DDR2: variants seen among roughly 807,000 people sequenced by gnomAD.
The protein encoded by DDR2 is discoidin domain receptor tyrosine kinase 2.
A neutral mutation model predicts 94.9 loss-of-function variants in DDR2; 27 were observed. The observed-to-expected ratio is 0.28, with a 90% confidence interval of 0.21 to 0.39. The LOEUF (loss-of-function observed/expected upper bound fraction) is 0.39. Ranked by LOEUF, DDR2 falls within the 10% of genes least tolerant of loss-of-function variation. DDR2 has a pLI of 1.00. For missense variants in DDR2, 783 were observed against 1,076.0 expected (o/e 0.73, Z 3.81); for synonymous variants, 382 against 377.2 (o/e 1.01, Z -0.15).
At chr1:162,653,866 T>C (rs1657829474) in intron 1 of DDR2, among the ~76,000 whole-genome samples, 1 of 152,178 alleles carries the variant, frequency 6.6e-6, no homozygotes, top group Admixed American at 6.5e-5. Context: ...AGGAAAGTTG[T>C]GCTGAGATGT....
chr1:162,754,962 C>A, intron 5 of DDR2, 107 bp downstream of exon 5: 1 of 1,454,444 alleles, frequency 6.9e-7, no homozygotes, highest in African/African-American at 1.4e-5. Flanking sequence ...GTCCACAGAC[C>A]AGGCATGCCC....
At chr1:162,687,018 G>C (rs1659719646) in intron 2 of DDR2, among the ~76,000 whole-genome samples, 1 of 152,196 alleles carries the variant, frequency 6.6e-6, no homozygotes, top group African/African-American at 2.4e-5. Context: ...TGAAGGTTTT[G>C]GTTGGGGCTC....
chr1:162,646,678 T>C (rs180925149), intron 1 of DDR2, among the ~76,000 whole-genome samples: 67 of 152,352 alleles, frequency 4.4e-4, no homozygotes, highest in Admixed American at 3.3e-3. Context: ...TCTACAATTA[T>C]CCTCTTACAT....
intron 2 of DDR2, among the ~76,000 whole-genome samples, chr1:162,710,960 C>G (rs1485879471): frequency 6.6e-6 from 1 of 152,172 alleles, no homozygotes; most frequent in East Asian, 1.9e-4. Flanking sequence ...AGGGCCAGCA[C>G]TTCCTCTCCA....
Position 162,759,818 on chromosome 1 carries a change from T to C in DDR2, c.694T>C (p.Leu232=), listed in dbSNP as rs1462350042. The change falls in exon 8 of 18, where the codon TTG becomes CTG. Residue 232 remains leucine (L), a synonymous_variant. Coordinates refer to ENST00000367921, the MANE Select transcript of DDR2 (RefSeq NM_006182.4). ...GYSMTEGLGQ[L]TDGVSGLDDF... is the part of the protein sequence containing the mutation. The stretch of plus-strand genomic sequence containing the variant: ...CAGCATGACAGAAGGGCTAGGCCAA[T>C]TGACCGATGGTGTGTCTGGCCTGGA... 4.3e-6 allele frequency: 7 copies of C among 1,614,116 alleles called. No homozygotes were observed. Among genetic ancestry groups the C allele is most frequent in the East Asian group, 2.2e-5 (1 of 44,878 alleles).
chr1:162,652,759 G>C (rs1161518470), intron 1 of DDR2, among the ~76,000 whole-genome samples: 1 of 152,168 alleles, frequency 6.6e-6, no homozygotes, highest in Admixed American at 6.5e-5. Context: ...TCCCAAGATT[G>C]TACAGCTAGT....
At chr1:162,777,685 G>A (rs549271261) in intron 16 of DDR2, 1 of 152,230 alleles carries the variant, frequency 6.6e-6, no homozygotes, top group South Asian at 2.1e-4. Context: ...GAAGAATTTG[G>A]GAAACCTCTC....
intron 2 of DDR2, among the ~76,000 whole-genome samples, chr1:162,684,467 C>T (rs1433270119): frequency 1.3e-5 from 2 of 151,980 alleles, no homozygotes; most frequent in Non-Finnish European, 2.9e-5. Flanking sequence ...TTTTTCTTCC[C>T]AACTAACACC....
At chr1:162,651,650 A>G (rs1238650047) in intron 1 of DDR2, among the ~76,000 whole-genome samples, 1 of 152,212 alleles carries the variant, frequency 6.6e-6, no homozygotes, top group South Asian at 2.1e-4. Flanking sequence ...ATTACATACT[A>G]GGAACTCAGA....
intron 2 of DDR2, among the ~76,000 whole-genome samples, chr1:162,685,933 A>ACCAGGC (rs1659664632): frequency 6.6e-6 from 1 of 152,218 alleles, no homozygotes; most frequent in African/African-American, 2.4e-5. Context: ...AGGTACGCAC[A>ACCAGGC]CCAGGCATTC....
intron 3 of DDR2, among the ~76,000 whole-genome samples, chr1:162,747,875 C>T (rs1373476595): frequency 6.6e-6 from 1 of 152,110 alleles, no homozygotes; most frequent in African/African-American, 2.4e-5. Context: ...AATTTTTAAC[C>T]CAGAATTTCA....
chr1:162,639,122 T>C (rs1007542632), intron 1 of DDR2, among the ~76,000 whole-genome samples: 1 of 152,118 alleles, frequency 6.6e-6, no homozygotes, highest in Non-Finnish European at 1.5e-5. Context: ...TGCACCACCA[T>C]GACTGGCCTC....
intron 1 of DDR2, among the ~76,000 whole-genome samples, chr1:162,632,924 T>C (rs1656630961): frequency 1.3e-5 from 2 of 152,174 alleles, no homozygotes; most frequent in African/African-American, 4.8e-5. Flanking sequence ...TAAACAGTGT[T>C]AGCAGAGTTG....
chr1:162,663,126 C>G lies in DDR2; in HGVS notation c.-28+7752C>G, dbSNP rs904926825. Among the ~76,000 whole-genome samples, 5 of 152,150 alleles carry G rather than the reference C, an allele frequency of 3.3e-5. 1 individual carries two copies. The highest frequency in any genetic ancestry group is 2.1e-4 in the South Asian group (1 of 4,830). On this transcript the variant is annotated intron_variant, in intron 2 of 17. Transcript: ENST00000367921. ...TTGCAAGGCCAAAGTCTCCTGCCCC[C>G]CAAATCTCCCAGTATCCCTGGCCTG...
intron 7 of DDR2, among the ~76,000 whole-genome samples, chr1:162,756,472 T>C (rs2665493): frequency 0.97 from 148,117 of 152,322 alleles, 72,153 homozygotes; most frequent in East Asian, 1. Context: ...CCACCTATAC[T>C]GTTTCACTTC....
At chr1:162,642,004 G>A (rs1187853683) in intron 1 of DDR2, among the ~76,000 whole-genome samples, 1 of 152,136 alleles carries the variant, frequency 6.6e-6, no homozygotes, top group Non-Finnish European at 1.5e-5. Flanking sequence ...AGGCTAGAGT[G>A]CAGTGGCGGG....
intron 2 of DDR2, among the ~76,000 whole-genome samples, chr1:162,698,368 T>C (rs889622390): frequency 7.9e-5 from 12 of 152,160 alleles, no homozygotes; most frequent in African/African-American, 2.9e-4. Context: ...GGAGGCATGG[T>C]CTGTGCTCAT....
chr1:162,746,401 G>A (rs1276967465), intron 3 of DDR2, among the ~76,000 whole-genome samples: 2 of 152,234 alleles, frequency 1.3e-5, no homozygotes, highest in Non-Finnish European at 2.9e-5. Context: ...CGAACTACAA[G>A]GTGGCAGCGA....
intron 3 of DDR2, among the ~76,000 whole-genome samples, chr1:162,732,228 A>C (rs1662088671): frequency 6.6e-6 from 1 of 152,216 alleles, no homozygotes; most frequent in African/African-American, 2.4e-5. Context: ...ATAGCCCTGT[A>C]GGCTGAAGAA....
Sources: gnomAD v4.1 joint callset for allele counts (sites outside exome capture counted in the v4.1 genomes callset) on GRCh38, gnomAD v4.1.1 for gene constraint, MANE v1.5 for transcripts, NCBI Gene and HGNC (gene_info 2026-07-23, HGNC 2026-07-21) for gene names.